The following MAGEA11 variants were observed in gnomAD, a reference collection of about 807,000 sequenced individuals.
MAGEA11 encodes the protein MAGE family member A11, also known as melanoma-associated antigen 11.
In MAGEA11, 1 loss-of-function variant was observed where a neutral mutation model predicts 8.4. The ratio of observed to expected loss-of-function variants is 0.12; its 90% confidence interval spans 0.04 to 0.57. The LOEUF is 0.57. Among genes scored for constraint, MAGEA11 ranks in the 20% least tolerant of loss-of-function variants. The probability of loss-of-function intolerance (pLI) is 0.91; values close to 1 mark genes in which losing one functional copy is unlikely to be tolerated. For missense variants in MAGEA11, 209 were observed against 317.3 expected (o/e 0.66, Z 2.59); for synonymous variants, 127 against 119.3 (o/e 1.06, Z -0.42).
chrX:149,691,932 T>C (rs782054615), intron 1 of MAGEA11, among the ~76,000 whole-genome samples: 3 of 112,550 alleles, frequency 2.7e-5, no homozygotes, highest in Non-Finnish European at 5.6e-5. Flanking sequence ...AATAGTTGTG[T>C]TACAAGATAA....
chrX:149,703,613 AG>A (rs782313457), intron 1 of MAGEA11, among the ~76,000 whole-genome samples: 5 of 112,430 alleles, frequency 4.4e-5, no homozygotes, highest in Non-Finnish European at 7.5e-5. Context: ...TATTGCCCCA[AG>A]CAGGACTAGA....
chrX:149,699,205 T>A (rs1557360793), intron 1 of MAGEA11, among the ~76,000 whole-genome samples: 1 of 112,218 alleles, frequency 8.9e-6, no homozygotes, highest in Non-Finnish European at 1.9e-5. Context: ...ATTTCGCATG[T>A]CATGTAAGTA....
intron 1 of MAGEA11, among the ~76,000 whole-genome samples, chrX:149,704,323 C>T (rs1557361241): frequency 8.9e-6 from 1 of 112,435 alleles, no homozygotes; most frequent in African/African-American, 3.2e-5. Flanking sequence ...TGAGCTTGTG[C>T]TCCATTAACA....
At chrX:149,711,974 C>A, upstream of MAGEA11, 1 of 682,136 alleles carries the variant, frequency 1.5e-6, no homozygotes, top group Non-Finnish European at 1.7e-6. Context: ...CGCCTCGCCT[C>A]GCCCCGCCCC....
chrX:149,709,853 A>G (rs1333225224), upstream of MAGEA11, among the ~76,000 whole-genome samples: 1 of 112,212 alleles, frequency 8.9e-6, no homozygotes, highest in Non-Finnish European at 1.9e-5. Context: ...AATTGATAGC[A>G]AATATACTTA....
chrX:149,702,453 G>C (rs925158214), intron 1 of MAGEA11, among the ~76,000 whole-genome samples: 1 of 110,721 alleles, frequency 9.0e-6, no homozygotes, highest in Admixed American at 9.6e-5. Flanking sequence ...TTATTTTAAA[G>C]TCTATTTTGT....
chrX:149,716,177 C>T lies in MAGEA11; in HGVS notation c.691C>T (p.His231Tyr). 8.3e-7 allele frequency: 1 copy of T among 1,211,762 alleles called. No individual in the cohort carries two copies. The highest frequency in any genetic ancestry group is 2.2e-5 in the Admixed American group (1 of 46,092). ...ILHDKIIDLVHLLLRKYRVKG... is the reference protein window; with the variant it reads ...ILHDKIIDLVYLLLRKYRVKG... ...ACATGACAAGATAATTGATTTGGTT[C>T]ATTTATTGCTCCGCAAGTATCGAGT... is the stretch of plus-strand genomic sequence containing the variant. Residue 231 changes from histidine to tyrosine, a missense_variant, in exon 5 of 5, where the codon CAT becomes TAT. Physicochemically the swap from His to Tyr is moderately conservative, Grantham distance 83 (BLOSUM62 2). Around this residue, in one of 2 missense-constraint regions of MAGEA11, gnomAD observed 78 missense variants for 178.8 expected, o/e 0.44. Transcript: ENST00000355220.
intron 1 of MAGEA11, among the ~76,000 whole-genome samples, chrX:149,698,243 A>G (rs1201271417): frequency 9.0e-6 from 1 of 110,722 alleles, no homozygotes; most frequent in Non-Finnish European, 1.9e-5. Context: ...CCAGCTTTTT[A>G]TCCAGTCCAT....
At chrX:149,695,130 A>T (rs142049094) in intron 1 of MAGEA11, among the ~76,000 whole-genome samples, 1 of 111,915 alleles carries the variant, frequency 8.9e-6, no homozygotes, top group East Asian at 2.8e-4. Flanking sequence ...TTCTTTTCTG[A>T]CAAAAGACAA....
chrX:149,693,549 GT>G (rs2090318616), intron 1 of MAGEA11, among the ~76,000 whole-genome samples: 1 of 111,652 alleles, frequency 9.0e-6, no homozygotes, highest in Admixed American at 9.5e-5. Flanking sequence ...AATTCTATGT[GT>G]TGTCAGTTTG....
chrX:149,695,953 TCA>T (rs1407205456), intron 1 of MAGEA11, among the ~76,000 whole-genome samples: 5 of 111,079 alleles, frequency 4.5e-5, no homozygotes, highest in Non-Finnish European at 9.5e-5. Flanking sequence ...ATTCAGTGAG[TCA>T]CAGACTCCCT....
chrX:149,692,566 T>C (rs908673492), intron 1 of MAGEA11, among the ~76,000 whole-genome samples: 3 of 112,128 alleles, frequency 2.7e-5, no homozygotes, highest in African/African-American at 9.7e-5. Flanking sequence ...TTTGTTTACA[T>C]AGGAACTCAG....
chrX:149,703,335 A>G (rs1488681052), intron 1 of MAGEA11, among the ~76,000 whole-genome samples: 3 of 112,723 alleles, frequency 2.7e-5, no homozygotes, highest in African/African-American at 9.7e-5. Context: ...TAAAATAACC[A>G]TTGAGCCATC....
chrX:149,701,791 C>T (rs1422784696), intron 1 of MAGEA11, among the ~76,000 whole-genome samples: 8 of 111,369 alleles, frequency 7.2e-5, no homozygotes, highest in Admixed American at 2.9e-4. Flanking sequence ...ATATGGCTAG[C>T]CAGTTTTCCC....
rs781950168 is a variant in MAGEA11, at chrX:149,700,568, C to CT, written c.9+11593dup. 2.9e-3 allele frequency among the ~76,000 whole-genome samples: 313 copies of CT among 106,578 alleles called. 1 individual carries two copies. The highest frequency in any genetic ancestry group is 9.8e-3 in the African/African-American group (286 of 29,161). 92.6% of individuals were successfully genotyped at this position (106,578 alleles called of 115,157 possible). On this transcript the variant is annotated intron_variant, in intron 1 of 3. Transcript: ENST00000333104. ...TTTTTTGGAAATTTAAATATGTTAA[C>CT]TTTTTTTTTATTGTACTTTAAGTTT... is the stretch of plus-strand genomic sequence containing the variant.
chrX:149,709,795 A>G (rs781863899), upstream of MAGEA11, among the ~76,000 whole-genome samples: 7 of 112,319 alleles, frequency 6.2e-5, no homozygotes, highest in Admixed American at 2.8e-4. Context: ...ATCATCCATG[A>G]TAAAAATAAC....
At chrX:149,697,597 G>A (rs1229811710) in intron 1 of MAGEA11, among the ~76,000 whole-genome samples, 1 of 110,353 alleles carries the variant, frequency 9.1e-6, no homozygotes, top group Non-Finnish European at 1.9e-5. Context: ...CCTACCAGGG[G>A]TAGGGGGTTC....
At chrX:149,706,810 A>G (rs2090379403) in intron 1 of MAGEA11, among the ~76,000 whole-genome samples, 1 of 112,075 alleles carries the variant, frequency 8.9e-6, no homozygotes, top group South Asian at 3.7e-4. Context: ...CCTCAGGAGA[A>G]GGAAACCCCA....
chrX:149,704,257 A>AG (rs781990423), intron 1 of MAGEA11, among the ~76,000 whole-genome samples: 22 of 112,313 alleles, frequency 2.0e-4, no homozygotes, highest in Non-Finnish European at 3.8e-4. Flanking sequence ...AAGATGGACA[A>AG]GTTTCTGCAT....
Sources: gnomAD v4.1 joint callset for allele counts (sites outside exome capture counted in the v4.1 genomes callset) on GRCh38, gnomAD v4.1.1 for gene constraint, gnomAD v4.1.1 regional missense constraint, MANE v1.5 for transcripts, NCBI Gene and HGNC (gene_info 2026-07-23, HGNC 2026-07-21) for gene names.